The following ZNF503 variants were observed in gnomAD, a reference collection of about 807,000 sequenced individuals.
ZNF503 encodes the protein zinc finger protein 503, also known as NocA-like zinc finger 2.
ZNF503 carries 15 observed loss-of-function variants against 34.4 expected under a neutral mutation model. That is an observed-to-expected ratio of 0.44 (90% CI 0.29 to 0.67). The LOEUF is 0.67. Ranked by LOEUF, ZNF503 falls within the 30% of genes least tolerant of loss-of-function variation. The pLI, the probability that ZNF503 is intolerant of heterozygous loss-of-function variation, is 0.13. For missense variants in ZNF503, 1,007 were observed against 926.8 expected, an observed-to-expected ratio of 1.09 and a Z score of -1.12; for synonymous variants, 580 against 456.8, an observed-to-expected ratio of 1.27 and a Z score of -3.44.
chr10:75,344,311 T>C, the ZNF503 span, among the ~76,000 whole-genome samples: 1 of 152,202 alleles, frequency 6.6e-6, no homozygotes, highest in African/African-American at 2.4e-5. Flanking sequence ...CTCTTCCTAC[T>C]TGCTTCAACA....
chr10:75,282,956 A>G, the ZNF503 span, among the ~76,000 whole-genome samples: 3 of 152,240 alleles, frequency 2.0e-5, no homozygotes, highest in Non-Finnish European at 4.4e-5. Context: ...CAGGTTGCCT[A>G]CATGTTCAAT....
chr10:75,396,847 C>G (rs111979539), downstream of ZNF503, among the ~76,000 whole-genome samples: 17 of 152,196 alleles, frequency 1.1e-4, no homozygotes, highest in African/African-American at 4.1e-4. The surrounding 1 kb of genome is among the most constrained non-coding windows in gnomAD (Gnocchi z 4.4). Context: ...CCCCTCCCCC[C>G]AAAAGGGACT....
At chr10:75,304,520 T>C in the ZNF503 span, among the ~76,000 whole-genome samples, 1 of 152,208 alleles carries the variant, frequency 6.6e-6, no homozygotes, top group Non-Finnish European at 1.5e-5. Flanking sequence ...CGTGACTGGT[T>C]TACTACTCTC....
Position 75,399,145 on chromosome 10 carries a change from G to C in ZNF503, c.1545C>G (p.Ile515Met), listed in dbSNP as rs1475564270. The C allele has an allele frequency of 1.2e-6, 2 of 1,613,486 alleles. No individual in the cohort carries two copies. The highest frequency in any genetic ancestry group is 1.7e-6 in the Non-Finnish European group (2 of 1,179,680). Reference protein sequence around the residue: ...FMLPNDPLPHICNWVSANGPC... With the variant: ...FMLPNDPLPHMCNWVSANGPC... ...GCCCGTTGGCCGACACCCAGTTGCA[G>C]ATGTGGGGGAGTGGGTCGTTAGGGA... The change falls in exon 2 of 2, where the codon ATC (isoleucine) becomes ATG (methionine). Residue 515 changes from isoleucine to methionine, a missense_variant. Transcript: ENST00000372524.
At chr10:75,326,161 A>T in the ZNF503 span, among the ~76,000 whole-genome samples, 1 of 152,262 alleles carries the variant, frequency 6.6e-6, no homozygotes. Flanking sequence ...ATGTAGAAAT[A>T]CAATTGATTT....
At chr10:75,341,835 C>G in the ZNF503 span, among the ~76,000 whole-genome samples, 1 of 152,182 alleles carries the variant, frequency 6.6e-6, no homozygotes, top group Admixed American at 6.5e-5. Flanking sequence ...TTTCTTCCTG[C>G]TTCCCCCACT....
chr10:75,345,436 A>C, the ZNF503 span, among the ~76,000 whole-genome samples: 9 of 152,090 alleles, frequency 5.9e-5, no homozygotes, highest in East Asian at 1.6e-3. Flanking sequence ...GGAGTTCGAG[A>C]CCAGACTGGC....
chr10:75,368,296 A>G, the ZNF503 span, among the ~76,000 whole-genome samples: 1 of 152,208 alleles, frequency 6.6e-6, no homozygotes, highest in African/African-American at 2.4e-5. Context: ...TCATTCTGCA[A>G]GTTTAAAAAA....
chr10:75,351,436 T>G, the ZNF503 span, among the ~76,000 whole-genome samples: 2 of 152,158 alleles, frequency 1.3e-5, no homozygotes, highest in African/African-American at 4.8e-5. Flanking sequence ...CCTCCCAAAG[T>G]GCTGGGATTA....
the ZNF503 span, among the ~76,000 whole-genome samples, chr10:75,294,833 C>T: frequency 6.6e-6 from 1 of 151,776 alleles, no homozygotes; most frequent in Non-Finnish European, 1.5e-5. Context: ...AGCGAGGGGC[C>T]GCCTGTCAGG....
At position 75,400,170 on chromosome 10, in the gene ZNF503, T is replaced by G; in HGVS notation, c.520A>C (p.Ser174Arg). ...LSDIGVEDKSSFKPYSKPGSD... is the reference protein window; with the variant it reads ...LSDIGVEDKSRFKPYSKPGSD... ...CCGGGTTTGGAGTACGGCTTGAAAC[T>G]CGACTTGTCCTCCACGCCGATGTCG... Residue 174 changes from serine (S) to arginine (R), a missense_variant, in exon 2 of 2, where the codon AGT becomes CGT. By Grantham distance (110) the Ser-to-Arg change is moderately radical. Coordinates refer to ENST00000372524, the MANE Select transcript of ZNF503 (RefSeq NM_032772.6). 1 of 1,547,178 alleles carries G rather than the reference T, an allele frequency of 6.5e-7. No individual in the cohort carries two copies.
chr10:75,360,199 C>A, the ZNF503 span, among the ~76,000 whole-genome samples: 1 of 148,518 alleles, frequency 6.7e-6, no homozygotes, highest in Non-Finnish European at 1.5e-5. Context: ...CCGCTCACTG[C>A]AAGCTCTGCC....
the ZNF503 span, among the ~76,000 whole-genome samples, chr10:75,320,178 C>T: frequency 6.6e-6 from 1 of 152,088 alleles, no homozygotes; most frequent in Non-Finnish European, 1.5e-5. Flanking sequence ...TGCAAATAAA[C>T]TTTTAAAAAT....
chr10:75,346,728 C>T, the ZNF503 span, among the ~76,000 whole-genome samples: 1 of 152,108 alleles, frequency 6.6e-6, no homozygotes, highest in Non-Finnish European at 1.5e-5. Context: ...AGGTGTGAGC[C>T]ACCACACCCA....
chr10:75,337,262 AAGGTT>A, the ZNF503 span, among the ~76,000 whole-genome samples: 2 of 151,532 alleles, frequency 1.3e-5, no homozygotes, highest in Non-Finnish European at 2.9e-5. Context: ...CCAGGAGGCC[AAGGTT>A]GCAGTGAGCC....
At chr10:75,291,352 C>G in the ZNF503 span, among the ~76,000 whole-genome samples, 3 of 152,154 alleles carry the variant, frequency 2.0e-5, no homozygotes, top group Non-Finnish European at 2.9e-5. Flanking sequence ...TGGCTCAAGC[C>G]TGTAATTCCA....
At chr10:75,339,602 G>C in the ZNF503 span, among the ~76,000 whole-genome samples, 1 of 152,222 alleles carries the variant, frequency 6.6e-6, no homozygotes, top group Non-Finnish European at 1.5e-5. Context: ...AGAGAGCCCA[G>C]TGATAGGTGC....
chr10:75,281,116 A>G, the ZNF503 span, among the ~76,000 whole-genome samples: 3 of 152,130 alleles, frequency 2.0e-5, no homozygotes, highest in Non-Finnish European at 4.4e-5. Flanking sequence ...TCCTAATAAT[A>G]TTGTTGGGAT....
chr10:75,370,574 T>C, the ZNF503 span, among the ~76,000 whole-genome samples: 1 of 150,878 alleles, frequency 6.6e-6, no homozygotes, highest in Non-Finnish European at 1.5e-5. Context: ...AGGTCAGGAG[T>C]TTGAGACCAG....
Sources: gnomAD v4.1 joint callset for allele counts (sites outside exome capture counted in the v4.1 genomes callset) on GRCh38, gnomAD v4.1.1 for gene constraint, Gnocchi (gnomAD v3.1) non-coding constraint, MANE v1.5 for transcripts, NCBI Gene and HGNC (gene_info 2026-07-23, HGNC 2026-07-21) for gene names.